Variants in TRIM64B observed in about 807,000 individuals in gnomAD.
TRIM64B encodes tripartite motif containing 64B, also known as tripartite motif-containing protein 64B.
For missense variants in TRIM64B, 57 were observed against 536.4 expected, an observed-to-expected ratio of 0.11 and a Z score of 8.83; for synonymous variants, 17 against 190.3, an observed-to-expected ratio of 0.09 and a Z score of 7.50.
upstream of TRIM64B, among the ~76,000 whole-genome samples, chr11:89,876,721 C>CAAA (rs57069977): frequency 1.6e-3 from 168 of 105,966 alleles, no homozygotes; most frequent in Middle Eastern, 5.6e-3. Flanking sequence ...GACTCTGTCT[C>CAAA]AAAAAAAAAA....
chr11:89,877,993 C>A (rs1397864288), upstream of TRIM64B, among the ~76,000 whole-genome samples: 2 of 148,298 alleles, frequency 1.3e-5, no homozygotes, highest in African/African-American at 4.9e-5. Flanking sequence ...GCAAATAAGA[C>A]CTTTGCAACA....
At position 89,871,512 on chromosome 11, in the gene TRIM64B, T is replaced by C. The variant is rs1950108152; in HGVS notation, c.857-398A>G. Among the ~76,000 whole-genome samples the C allele has an allele frequency of 1.3e-5, 2 of 151,752 alleles. 1 individual carries two copies. The highest frequency in any genetic ancestry group is 4.0e-4 in the East Asian group (2 of 5,056). ...TTTATTGGAATGTAAGTTATGCCTGTTATAGTCTCAAACATCAAAAATTTG... is the reference window on the plus strand; with the variant it reads ...TTTATTGGAATGTAAGTTATGCCTGCTATAGTCTCAAACATCAAAAATTTG... On this transcript the variant is annotated intron_variant, in intron 5 of 5. Coordinates refer to ENST00000329862, the Ensembl canonical transcript of TRIM64B.
In TRIM64B at chr11:89,872,203, G is replaced by A; in HGVS notation, c.856+12C>T. On this transcript the variant is annotated intron_variant, in intron 5 of 5. Coordinates refer to ENST00000329862, the Ensembl canonical transcript of TRIM64B. ...TAATTTGAGGCTGGAATGCCAAGCA[G>A]CTGGCTCTTACCTCTGAAGTTGTTG... The A allele has an allele frequency of 6.6e-7, 1 of 1,505,716 alleles. No homozygotes were observed. Among genetic ancestry groups the A allele is most frequent in the Non-Finnish European group, 8.9e-7 (1 of 1,122,470 alleles). The allele number at this position is 1,505,716 out of a possible 1,614,324, so 93.3% of individuals were successfully genotyped here. A position where few individuals can be genotyped will look rare whatever the true frequency, so the allele number is the denominator to read the frequency against.
Position 89,874,105 on chromosome 11 carries a change from CTT to C in TRIM64B, c.677_678del (p.Lys226ArgfsTer14). On this transcript the variant is annotated frameshift_variant, in exon 3 of 6. Coordinates refer to ENST00000329862, the Ensembl canonical transcript of TRIM64B. LOFTEE classifies it high-confidence loss of function. ...GTCTCCCACAGCTCTCTGTACATGT[CTT>C]TCATCCTTTCTAAATGTTGGGTCAT... is the stretch of plus-strand genomic sequence containing the variant. The C allele has an allele frequency of 6.5e-7, 1 of 1,548,978 alleles. No homozygotes were observed. Among genetic ancestry groups the C allele is most frequent in the East Asian group, 2.5e-5 (1 of 40,772 alleles).
At chr11:89,872,817 T>C in intron 4 of TRIM64B, among the ~76,000 whole-genome samples, 1 of 151,750 alleles carries the variant, frequency 6.6e-6, no homozygotes, top group Non-Finnish European at 1.5e-5. Flanking sequence ...AGGTCTTTCC[T>C]AGAACTGGGT....
upstream of TRIM64B, among the ~76,000 whole-genome samples, chr11:89,876,281 A>G (rs571606221): frequency 3.0e-3 from 434 of 142,362 alleles, 3 homozygotes; most frequent in African/African-American, 0.011. Flanking sequence ...CAAGTCTCTT[A>G]TTAGTAAATG....
At chr11:89,876,274 G>A (rs1449513063), upstream of TRIM64B, among the ~76,000 whole-genome samples, 1 of 141,738 alleles carries the variant, frequency 7.1e-6, no homozygotes, top group Non-Finnish European at 1.6e-5. Context: ...AGATGTTCAA[G>A]TCTCTTATTA....
chr11:89,876,184 C>A (rs1388218436), upstream of TRIM64B, among the ~76,000 whole-genome samples: 1 of 130,284 alleles, frequency 7.7e-6, no homozygotes, highest in Non-Finnish European at 1.6e-5. Flanking sequence ...ATAGTAAATT[C>A]ATACATGCTG....
intron 3 of TRIM64B, among the ~76,000 whole-genome samples, chr11:89,873,771 C>T (rs1248844355): frequency 9.5e-6 from 1 of 104,720 alleles, no homozygotes. Context: ...TTCCCCTGGC[C>T]TAGAGTTCTA....
Position 89,875,289 on chromosome 11 carries a change from T to C in TRIM64B, c.409-216A>G, listed in dbSNP as rs528591937. Reference sequence around the variant, plus strand: ...GTTTTAAGGGACCCTTCAGATAATATCATCAATATTCTGAGAAACTGGCTT... The same window carrying C: ...GTTTTAAGGGACCCTTCAGATAATACCATCAATATTCTGAGAAACTGGCTT... On this transcript the variant is annotated intron_variant, in intron 1 of 5. Coordinates refer to ENST00000329862, the Ensembl canonical transcript of TRIM64B. Among the ~76,000 whole-genome samples, 4 of 152,376 alleles carry C rather than the reference T, an allele frequency of 2.6e-5. No individual in the cohort carries two copies. The South Asian group carries it at 8.3e-4, about 32-fold the overall frequency.
At chr11:89,873,367 C>CTGTTTTAG in intron 3 of TRIM64B, 77 bp from the exon 5 acceptor site, 1 of 1,526,694 alleles carries the variant, frequency 6.6e-7, no homozygotes, top group Middle Eastern at 1.7e-4. Flanking sequence ...TTGTTTCTTT[C>CTGTTTTAG]TGTTTTAATA....
At chr11:89,871,284 C>G (rs369724510) in intron 5 of TRIM64B, among the ~76,000 whole-genome samples, 170 bp from the exon 7 acceptor site, 1 of 152,228 alleles carries the variant, frequency 6.6e-6, no homozygotes, top group Non-Finnish European at 1.5e-5. Flanking sequence ...CTCTACAGCA[C>G]ATACAATTAT....
At chr11:89,876,545 ACC>A (rs1950165480), upstream of TRIM64B, among the ~76,000 whole-genome samples, 2 of 149,492 alleles carry the variant, frequency 1.3e-5, no homozygotes, top group Non-Finnish European at 1.5e-5. Context: ...ACACGGTGAA[ACC>A]CCGTTTCTAC....
At chr11:89,877,783 A>G (rs1170301410), upstream of TRIM64B, among the ~76,000 whole-genome samples, 2 of 149,398 alleles carry the variant, frequency 1.3e-5, no homozygotes, top group African/African-American at 4.8e-5. Flanking sequence ...CCACGCCAGG[A>G]TGATTTTTTT....
intron 5 of TRIM64B, among the ~76,000 whole-genome samples, chr11:89,871,433 T>C (rs1182635944): frequency 6.6e-6 from 1 of 152,218 alleles, no homozygotes; most frequent in Non-Finnish European, 1.5e-5. Flanking sequence ...CTCCTTGTAT[T>C]ATTTGTTTTT....
chr11:89,875,351 G>A (rs1228448755), intron 1 of TRIM64B, among the ~76,000 whole-genome samples: 1 of 152,296 alleles, frequency 6.6e-6, no homozygotes, highest in African/African-American at 2.4e-5. Context: ...TCTTGGTGCT[G>A]GCCACCAGCT....
At chr11:89,877,984 C>T (rs1331008728), upstream of TRIM64B, among the ~76,000 whole-genome samples, 1 of 148,360 alleles carries the variant, frequency 6.7e-6, no homozygotes, top group Non-Finnish European at 1.5e-5. Context: ...GAAGAGACAG[C>T]AAATAAGACC....
chr11:89,876,906 T>C (rs867198310), upstream of TRIM64B, among the ~76,000 whole-genome samples: 99 of 149,098 alleles, frequency 6.6e-4, no homozygotes, highest in African/African-American at 2.3e-3. Flanking sequence ...CAAGCCGTGC[T>C]CTCAGTCATT....
In TRIM64B at chr11:89,871,325, G is replaced by A. The variant is rs563482305; in HGVS notation, c.857-211C>T. On this transcript the variant is annotated intron_variant, in intron 5 of 5. Coordinates refer to ENST00000329862, the Ensembl canonical transcript of TRIM64B. ...ATTCCTTAAGTAATAGAGAAAAAAC[G>A]TGACCATACCACAGGGGAAATAATG... Among the ~76,000 whole-genome samples, 1,017 of 151,958 alleles carry A rather than the reference G, an allele frequency of 6.7e-3. 2 individuals are homozygous for A. The highest frequency in any genetic ancestry group is 0.032 in the South Asian group (152 of 4,784).
Sources: gnomAD v4.1 joint callset for allele counts (sites outside exome capture counted in the v4.1 genomes callset) on GRCh38, gnomAD v4.1.1 for gene constraint, MANE v1.5 for transcripts, NCBI Gene and HGNC (gene_info 2026-07-23, HGNC 2026-07-21) for gene names.